The following PPIC variants were observed in gnomAD, a reference collection of about 807,000 sequenced individuals.
PPIC encodes peptidylprolyl isomerase C.
In PPIC, 19 loss-of-function variants were observed where a neutral mutation model predicts 19.5. The ratio of observed to expected loss-of-function variants is 0.98; its 90% confidence interval spans 0.68 to 1.43. The LOEUF is 1.43. Among genes scored for constraint, PPIC ranks in the 40% most tolerant of loss-of-function variants. The pLI is 0.00. For synonymous variants in PPIC, 107 were observed against 101.2 expected (o/e 1.06, Z -0.34); for missense variants, 268 against 268.6 (o/e 1.00, Z 0.02).
rs914298049 is a variant in PPIC, at chr5:123,036,173, G to A, written c.117+336C>T. On this transcript the variant is annotated intron_variant, in intron 1 of 4. Coordinates refer to ENST00000306442, the MANE Select transcript of PPIC (RefSeq NM_000943.5). The surrounding 1 kb of genome is among the most constrained non-coding windows in gnomAD (Gnocchi z 4.5). ...CCAGGCCACGCTGAAGGAAGTACTT[G>A]GGCAGTCTCTTTCCTGGAGAACGGG... 1 of 336,830 alleles carries A rather than the reference G, an allele frequency of 3.0e-6. No individual in the cohort carries two copies. The highest frequency in any genetic ancestry group is 5.5e-6 in the Non-Finnish European group (1 of 181,112). 20.9% of individuals were successfully genotyped at this position (336,830 alleles called of 1,614,324 possible). A position where few individuals can be genotyped will look rare whatever the true frequency, so the allele number is the denominator to read the frequency against.
intron 1 of PPIC, among the ~76,000 whole-genome samples, chr5:123,030,155 C>T (rs965496951): frequency 2.6e-5 from 4 of 152,200 alleles, no homozygotes; most frequent in African/African-American, 9.7e-5. Context: ...ATTTGCTTTT[C>T]CTAACCCAAC....
chr5:123,034,080 TAC>T (rs1762973528), intron 1 of PPIC, among the ~76,000 whole-genome samples: 1 of 152,228 alleles, frequency 6.6e-6, no homozygotes, highest in Non-Finnish European at 1.5e-5. Context: ...CTCTCTTATT[TAC>T]AGATTCCTAT....
chr5:123,029,209 A>G, intron 2 of PPIC, 96 bp downstream of exon 2: 1 of 1,597,632 alleles, frequency 6.3e-7, no homozygotes, highest in Non-Finnish European at 8.5e-7. Context: ...GGTTCATCTG[A>G]CATACTAATT....
intron 1 of PPIC, among the ~76,000 whole-genome samples, chr5:123,030,106 C>T (rs79015914): frequency 1.3e-5 from 2 of 152,188 alleles, no homozygotes; most frequent in Non-Finnish European, 2.9e-5. Flanking sequence ...AACTCAGACA[C>T]TGAATTCAGT....
At chr5:123,028,997 C>G in intron 2 of PPIC, 129 bp from the exon 3 acceptor site, 1 of 869,710 alleles carries the variant, frequency 1.1e-6, no homozygotes, top group Non-Finnish European at 1.7e-6. Flanking sequence ...TCTATCCCAG[C>G]TATGGTTTAC....
intron 3 of PPIC, among the ~76,000 whole-genome samples, chr5:123,027,045 T>A (rs931739078): frequency 2.0e-5 from 3 of 151,900 alleles, no homozygotes; most frequent in Non-Finnish European, 2.9e-5. Flanking sequence ...ATACAAAAAA[T>A]CAGCCGGGCA....
intron 4 of PPIC, 107 bp from the exon 5 acceptor site, chr5:123,024,110 G>A (rs562168314): frequency 1.5e-6 from 2 of 1,307,782 alleles, no homozygotes; most frequent in East Asian, 2.4e-5. Context: ...AGGAAATAAG[G>A]TTGGTTGGTT....
In PPIC at chr5:123,025,527, A is replaced by G. The variant is rs1036104399; in HGVS notation, c.510+257T>C. Among the ~76,000 whole-genome samples the G allele has an allele frequency of 6.6e-5, 10 of 152,312 alleles. No individual in the cohort carries two copies. In the South Asian group the frequency reaches 1.7e-3, roughly 25 times the overall value. ...GTCCTGGTATATATTGGTTCCATTA[A>G]AAAGGGCTTTACATTTATATCAAGT... On this transcript the variant is annotated intron_variant, in intron 4 of 4. Coordinates refer to ENST00000306442, the MANE Select transcript of PPIC (RefSeq NM_000943.5).
Position 123,036,296 on chromosome 5 carries a change from G to A in PPIC, c.117+213C>T. ...AAGCAGACTGCGGCGGAGGTAGGCTGGCCTCAGCCCAGCTCCCCCAGGGTC... is the reference window on the plus strand; with the variant it reads ...AAGCAGACTGCGGCGGAGGTAGGCTAGCCTCAGCCCAGCTCCCCCAGGGTC... On this transcript the variant is annotated intron_variant, in intron 1 of 4. Coordinates refer to ENST00000306442, the MANE Select transcript of PPIC (RefSeq NM_000943.5). The surrounding 1 kb of genome is among the most constrained non-coding windows in gnomAD (Gnocchi z 4.5). The A allele has an allele frequency of 1.7e-6, 1 of 574,594 alleles. No individual in the cohort carries two copies. The highest frequency in any genetic ancestry group is 3.1e-6 in the Non-Finnish European group (1 of 323,868). The allele number at this position is 574,594 out of a possible 1,614,324, so 35.6% of individuals were successfully genotyped here. A position where few individuals can be genotyped will look rare whatever the true frequency, so the allele number is the denominator to read the frequency against.
rs1581872186 is a variant in PPIC at position 123,025,876 on chromosome 5, C to G, written c.418G>C (p.Asp140His). 1 of 1,614,104 alleles carries G rather than the reference C, an allele frequency of 6.2e-7. No individual in the cohort carries two copies. Among genetic ancestry groups the G allele is most frequent in the Middle Eastern group, 1.6e-4 (1 of 6,062 alleles). ...ATAAAGAACTGAGAGCCATTGGTGT[C>G]AGGCCCAGCGTTGGCCATGCTGACC... is the stretch of plus-strand genomic sequence containing the variant. ...GWVSMANAGP[D>H]TNGSQFFITL... The change falls in exon 4 of 5, where the codon GAC becomes CAC. Residue 140 changes from aspartate (D) to histidine (H), a missense_variant. By Grantham distance (81) the Asp-to-His change is moderately conservative. Coordinates refer to ENST00000306442, the MANE Select transcript of PPIC (RefSeq NM_000943.5).
rs759526014 is a variant in PPIC at position 123,023,972 on chromosome 5, GTTGC to G, written c.538_541del (p.Ala180LeufsTer19). ...GGTGAGTGGACGGTCATGCCCATCA[GTTGC>G]TTGGAGCTCTATGGAGTGCACCACT... is the stretch of plus-strand genomic sequence containing the variant. On this transcript the variant is annotated frameshift_variant, in exon 5 of 5. Transcript: ENST00000306442. LOFTEE classifies it high-confidence loss of function. 6.2e-7 allele frequency: 1 copy of G among 1,614,026 alleles called. No individual in the cohort carries two copies. The highest frequency in any genetic ancestry group is 1.1e-5 in the South Asian group (1 of 91,042).
chr5:123,033,028 G>A (rs955629491), intron 1 of PPIC, among the ~76,000 whole-genome samples: 1 of 152,152 alleles, frequency 6.6e-6, no homozygotes, highest in South Asian at 2.1e-4. Context: ...AAAGTAACTA[G>A]GGAACACACC....
intron 1 of PPIC, among the ~76,000 whole-genome samples, chr5:123,032,778 T>C (rs1179964391): frequency 2.0e-5 from 3 of 152,158 alleles, no homozygotes; most frequent in Non-Finnish European, 4.4e-5. Flanking sequence ...TAAGGTGTCA[T>C]GGTAAGGGGT....
chr5:123,024,138 T>A lies in PPIC; in HGVS notation c.511-135A>T. The A allele has an allele frequency of 1.7e-5, 7 of 403,980 alleles. 1 individual carries two copies. The highest frequency in any genetic ancestry group is 2.6e-5 in the Non-Finnish European group (7 of 269,876). The allele number at this position is 403,980 out of a possible 1,614,324, so 25.0% of individuals were successfully genotyped here. On this transcript the variant is annotated intron_variant, in intron 4 of 4. Coordinates refer to ENST00000306442, the MANE Select transcript of PPIC (RefSeq NM_000943.5). ...GGTTGGTTGGTTGGTTTTTTATGAC[T>A]ACTAAGCGTTTTTTATGCACGCTAA... is the stretch of plus-strand genomic sequence containing the variant.
chr5:123,025,672 G>T, intron 4 of PPIC, 112 bp downstream of exon 4: 1 of 1,114,026 alleles, frequency 9.0e-7, no homozygotes. Flanking sequence ...GAAGAGGCCA[G>T]TCAGCTATAT....
intron 3 of PPIC, among the ~76,000 whole-genome samples, chr5:123,027,632 A>T (rs1352523389): frequency 6.6e-6 from 1 of 152,206 alleles, no homozygotes; most frequent in Non-Finnish European, 1.5e-5. Context: ...AACTAGAAGT[A>T]ATCTTCACAA....
intron 1 of PPIC, among the ~76,000 whole-genome samples, chr5:123,030,360 AGGGCATTC>A (rs1762926124): frequency 6.6e-6 from 1 of 152,248 alleles, no homozygotes; most frequent in African/African-American, 2.4e-5. Context: ...ACAGAGTCAA[AGGGCATTC>A]TATTAGCGCG....
rs1762972433 is a variant in PPIC, at chr5:123,033,984, G to A, written c.117+2525C>T. 2.0e-5 allele frequency among the ~76,000 whole-genome samples: 3 copies of A among 152,346 alleles called. No individual in the cohort carries two copies. The South Asian group carries it at 6.2e-4, about 32-fold the overall frequency. On this transcript the variant is annotated intron_variant, in intron 1 of 4. Transcript: ENST00000306442. ...ACCTGAGCCTCTATGGCTGGGGCAG[G>A]AAGCTGCCAGGCTGGCCCAGCAGCA... is the stretch of plus-strand genomic sequence containing the variant.
In PPIC at chr5:123,036,484, G is replaced by A; in HGVS notation, c.117+25C>T. 6.3e-7 allele frequency: 1 copy of A among 1,588,732 alleles called. No homozygotes were observed. The highest frequency in any genetic ancestry group is 1.7e-4 in the Middle Eastern group (1 of 5,760). On this transcript the variant is annotated intron_variant, in intron 1 of 4. Coordinates refer to ENST00000306442, the MANE Select transcript of PPIC (RefSeq NM_000943.5). This position sits in a 1 kb window ranked among gnomAD's most constrained non-coding sequence, Gnocchi z 4.5. Reference sequence around the variant, plus strand: ...CAGGGCCCCGCCCGCAACAGGGGAAGTTGCAGCCCGCCGCTCTCGGTCACC... The same window carrying A: ...CAGGGCCCCGCCCGCAACAGGGGAAATTGCAGCCCGCCGCTCTCGGTCACC...
Sources: allele counts gnomAD v4.1 joint callset (sites outside exome capture counted in the v4.1 genomes callset), GRCh38; gene constraint gnomAD v4.1.1; non-coding constraint Gnocchi (gnomAD v3.1); transcripts MANE v1.5; gene names NCBI Gene and HGNC (gene_info 2026-07-23, HGNC 2026-07-21).